The following UBAC2 variants were observed in gnomAD, a reference collection of about 807,000 sequenced individuals.
UBAC2 encodes ubiquitin-associated domain-containing protein 2.
A neutral mutation model predicts 44.0 loss-of-function variants in UBAC2; 26 were observed. That is an observed-to-expected ratio of 0.59 (90% CI 0.43 to 0.82). The LOEUF is 0.82. UBAC2 is among the 40% of genes least tolerant of loss of function. The pLI, the probability that UBAC2 is intolerant of heterozygous loss-of-function variation, is 0.00. For synonymous variants in UBAC2, 155 were observed against 154.3 expected (o/e 1.00, Z -0.04); for missense variants, 329 against 419.4 (o/e 0.78, Z 1.88).
At chr13:99,270,170 A>G (rs567584623) in intron 4 of UBAC2, among the ~76,000 whole-genome samples, 24 of 152,340 alleles carry the variant, frequency 1.6e-4, no homozygotes, top group African/African-American at 5.3e-4. Flanking sequence ...CCAAATTTTA[A>G]CTACGTAAGG....
chr13:99,270,803 A>G (rs1409363290), intron 4 of UBAC2, among the ~76,000 whole-genome samples: 1 of 152,216 alleles, frequency 6.6e-6, no homozygotes, highest in Admixed American at 6.5e-5. Flanking sequence ...GAGGAAGTCA[A>G]TTTCAGTCAT....
intron 4 of UBAC2, among the ~76,000 whole-genome samples, chr13:99,278,364 T>C (rs932505186): frequency 3.9e-5 from 6 of 152,188 alleles, no homozygotes; most frequent in South Asian, 2.1e-4. Context: ...ATTGCCTGTC[T>C]GGAGGTGAGG....
intron 8 of UBAC2, chr13:99,377,690 T>C (rs1483517690): frequency 6.6e-6 from 1 of 152,232 alleles, no homozygotes; most frequent in African/African-American, 2.4e-5. Flanking sequence ...TTTAAAAAGA[T>C]TGTTCCTGTC....
chr13:99,292,805 G>C (rs2044109582), intron 4 of UBAC2, among the ~76,000 whole-genome samples: 1 of 150,586 alleles, frequency 6.6e-6, no homozygotes, highest in South Asian at 2.1e-4. Context: ...ATTTAAAATT[G>C]TTAATAATGT....
rs532752722 is a variant in UBAC2 at position 99,233,350 on chromosome 13, A to T, written c.32-5077A>T. Among the ~76,000 whole-genome samples, 373 of 152,184 alleles carry T rather than the reference A, an allele frequency of 2.5e-3. 3 individuals carry two copies. The highest frequency in any genetic ancestry group is 8.5e-3 in the African/African-American group (355 of 41,534). On this transcript the variant is annotated intron_variant, in intron 1 of 8. Transcript: ENST00000403766. ...CTGGTCTTGAACTCCTGACCTCATGATCTGCTCTCCTCGGTCTCCCAAAGT... is the reference window on the plus strand; with the variant it reads ...CTGGTCTTGAACTCCTGACCTCATGTTCTGCTCTCCTCGGTCTCCCAAAGT...
chr13:99,209,534 GCTTTAGTGTTTA>G (rs1296452476), intron 1 of UBAC2, among the ~76,000 whole-genome samples: 2 of 152,134 alleles, frequency 1.3e-5, no homozygotes, highest in African/African-American at 2.4e-5. Flanking sequence ...TTTAAGGCAG[GCTTTAGTGTTTA>G]TACTTTTCTG....
At chr13:99,256,079 A>G (rs1255119077) in intron 4 of UBAC2, among the ~76,000 whole-genome samples, 1 of 152,198 alleles carries the variant, frequency 6.6e-6, no homozygotes, top group Non-Finnish European at 1.5e-5. Context: ...TTTGAGAGAG[A>G]ATGGGAACTT....
At position 99,243,901 on chromosome 13, in the gene UBAC2, A is replaced by G. The variant is rs778343087; in HGVS notation, c.229A>G (p.Ile77Val). ...AGATACTTTCTGCAGTAGTCTGCTT[A>G]TTTATAATTTTAGGATATTTGAAAG... ...LKDTFCSSLL[I>V]YNFRIFERRY... Residue 77 changes from isoleucine (I) to valine (V), a missense_variant, in exon 3 of 9, where the codon ATT (isoleucine) becomes GTT (valine). By Grantham distance (29) the Ile-to-Val change is conservative (BLOSUM62 3). Coordinates refer to ENST00000403766, the MANE Select transcript of UBAC2 (RefSeq NM_001144072.2). The G allele has an allele frequency of 6.4e-7, 1 of 1,559,604 alleles. No individual in the cohort carries two copies.
At position 99,293,182 on chromosome 13, in the gene UBAC2, A is replaced by G. The variant is rs560948352; in HGVS notation, c.390-20915A>G. Among the ~76,000 whole-genome samples the G allele has an allele frequency of 5.3e-5, 8 of 152,304 alleles. No homozygotes were observed. In the East Asian group the frequency reaches 9.6e-4, roughly 18 times the overall value. Reference sequence around the variant, plus strand: ...GATGACTGGATAAAATCATTTATATAGATTTGTGGTATAGTGGAGGGAGGA... The same window carrying G: ...GATGACTGGATAAAATCATTTATATGGATTTGTGGTATAGTGGAGGGAGGA... On this transcript the variant is annotated intron_variant, in intron 4 of 8. Transcript: ENST00000403766.
chr13:99,382,649 G>T (rs1337864437), intron 8 of UBAC2, among the ~76,000 whole-genome samples: 1 of 152,164 alleles, frequency 6.6e-6, no homozygotes, highest in East Asian at 1.9e-4. Context: ...ATGAGCAAAG[G>T]CAGCCACAGC....
chr13:99,322,556 A>T (rs927613488), intron 6 of UBAC2, among the ~76,000 whole-genome samples: 4 of 152,152 alleles, frequency 2.6e-5, no homozygotes, highest in Admixed American at 2.6e-4. Flanking sequence ...TAACAGGCCT[A>T]TATTCCTCAG....
chr13:99,201,460 C>T (rs913325153), intron 1 of UBAC2: 3 of 1,614,016 alleles, frequency 1.9e-6, no homozygotes, highest in African/African-American at 1.3e-5. Flanking sequence ...CAAACACACA[C>T]TGATGAGAGT....
intron 6 of UBAC2, among the ~76,000 whole-genome samples, chr13:99,325,677 A>G (rs2138794172): frequency 6.6e-6 from 1 of 152,176 alleles, no homozygotes; most frequent in East Asian, 1.9e-4. Flanking sequence ...ATGCCTGTTG[A>G]TTTTTAACTC....
chr13:99,221,939 T>C (rs1372436761), intron 1 of UBAC2, among the ~76,000 whole-genome samples: 1 of 152,194 alleles, frequency 6.6e-6, no homozygotes, highest in Non-Finnish European at 1.5e-5. Flanking sequence ...AGACATTTTC[T>C]AGTCATGGAT....
rs180857876 is a variant in UBAC2, at chr13:99,274,779, G to A, written c.389+30155G>A. On this transcript the variant is annotated intron_variant, in intron 4 of 8. Coordinates refer to ENST00000403766, the MANE Select transcript of UBAC2 (RefSeq NM_001144072.2). ...TGCCCAGGCTGGAGTGTGGTGGCAC[G>A]CAGTCATGGTTCACTGCAGCCTCAA... Among the ~76,000 whole-genome samples the A allele has an allele frequency of 6.0e-5, 9 of 150,422 alleles. No individual in the cohort carries two copies. The East Asian group carries it at 1.2e-3, about 20-fold the overall frequency.
At chr13:99,375,880 C>T (rs775674167) in intron 8 of UBAC2, among the ~76,000 whole-genome samples, 31 of 148,732 alleles carry the variant, frequency 2.1e-4, no homozygotes, top group Non-Finnish European at 2.8e-4. Context: ...CATGGCTCAC[C>T]GCAACCTCGA....
intron 6 of UBAC2, among the ~76,000 whole-genome samples, chr13:99,326,405 T>G (rs1267307996): frequency 6.6e-6 from 1 of 152,212 alleles, no homozygotes; most frequent in Non-Finnish European, 1.5e-5. Flanking sequence ...TTTTTGGTAT[T>G]GAATTGTAGG....
chr13:99,280,849 C>T (rs2043944866), intron 4 of UBAC2, among the ~76,000 whole-genome samples: 2 of 152,052 alleles, frequency 1.3e-5, no homozygotes, highest in Admixed American at 1.3e-4. Context: ...CTCTCTCTCT[C>T]TCTCTTTCTC....
At chr13:99,253,545 G>T (rs1179190130) in intron 4 of UBAC2, among the ~76,000 whole-genome samples, 2 of 151,386 alleles carry the variant, frequency 1.3e-5, no homozygotes, top group South Asian at 2.1e-4. Flanking sequence ...ACGGAGTCTC[G>T]CTTTGTCACC....
Sources: gnomAD v4.1 joint callset for allele counts (sites outside exome capture counted in the v4.1 genomes callset) on GRCh38, gnomAD v4.1.1 for gene constraint, MANE v1.5 for transcripts, NCBI Gene and HGNC (gene_info 2026-07-23, HGNC 2026-07-21) for gene names.